The following KLHL6 variants were observed in gnomAD, a reference collection of about 807,000 sequenced individuals.
KLHL6 encodes the protein kelch like family member 6, also known as kelch-like protein 6.
KLHL6 carries 41 observed loss-of-function variants against 58.6 expected under a neutral mutation model. The ratio of observed to expected loss-of-function variants is 0.70; its 90% confidence interval spans 0.55 to 0.91. The LOEUF (loss-of-function observed/expected upper bound fraction) is 0.91. KLHL6 is among the 40% of genes least tolerant of loss of function. The pLI is 0.00. For missense variants in KLHL6, 714 were observed against 805.6 expected (o/e 0.89, Z 1.38); for synonymous variants, 338 against 322.7 (o/e 1.05, Z -0.51).
chr3:183,494,270 T>A lies in KLHL6; in HGVS notation c.1159A>T (p.Thr387Ser), dbSNP rs372112529. Residue 387 changes from threonine (T) to serine (S), a missense_variant, in exon 5 of 7, where the codon ACA becomes TCA. Thr to Ser is a moderately conservative substitution (Grantham distance 58). This residue lies in a region of KLHL6 where 510 missense variants were observed against 629.7 expected (regional missense o/e 0.81). Transcript: ENST00000341319. Reference protein sequence around the residue: ...NEVYISGGKETQHDVWKYNSS... With the variant: ...NEVYISGGKESQHDVWKYNSS... The stretch of plus-strand genomic sequence containing the variant: ...TTATATTTCCAAACATCATGCTGTG[T>A]TTCTTTGCCACCTGCAAGAGATACA... The A allele has an allele frequency of 6.2e-6, 10 of 1,613,372 alleles. No homozygotes were observed. The highest frequency in any genetic ancestry group is 8.5e-6 in the Non-Finnish European group (10 of 1,179,410).
chr3:183,499,236 C>T lies in KLHL6; in HGVS notation c.1147+354G>A, dbSNP rs1717798429. Among the ~76,000 whole-genome samples, 1 of 152,042 alleles carries T rather than the reference C, an allele frequency of 6.6e-6. No homozygotes were observed. Among genetic ancestry groups the T allele is most frequent in the East Asian group, 1.9e-4 (1 of 5,192 alleles). On this transcript the variant is annotated intron_variant, in intron 4 of 6. Transcript: ENST00000341319. This position sits in a 1 kb window ranked among gnomAD's most constrained non-coding sequence, Gnocchi z 4.6. Reference sequence around the variant, plus strand: ...AGGCACCTGATTGTAATCCCAGCTACTCGGGAGGGTGAGGCAGGAGGGTCA... The same window carrying T: ...AGGCACCTGATTGTAATCCCAGCTATTCGGGAGGGTGAGGCAGGAGGGTCA...
At position 183,508,192 on chromosome 3, in the gene KLHL6, T is replaced by A. The variant is rs1560096023; in HGVS notation, c.776A>T (p.Glu259Val). The A allele has an allele frequency of 1.2e-6, 2 of 1,614,186 alleles. No individual in the cohort carries two copies. Among genetic ancestry groups the A allele is most frequent in the Admixed American group, 3.3e-5 (2 of 60,020 alleles). Residue 259 changes from glutamate to valine, a missense_variant, in exon 3 of 7, where the codon GAG becomes GTG. This residue lies in a region of KLHL6 where 510 missense variants were observed against 629.7 expected (regional missense o/e 0.81). Coordinates refer to ENST00000341319, the MANE Select transcript of KLHL6 (RefSeq NM_130446.4). ...GTCCAGAAGCGGTAAGCGCACGTTC[T>A]CGAGGACATAGGGGAGTAAGCAGAG... is the stretch of plus-strand genomic sequence containing the variant. ...ERLCLLPYVL[E>V]NVRLPLLDPW... is the part of the protein sequence containing the mutation.
chr3:183,547,043 C>G (rs1712746059), intron 1 of KLHL6, among the ~76,000 whole-genome samples: 1 of 151,892 alleles, frequency 6.6e-6, no homozygotes, highest in Non-Finnish European at 1.5e-5. Flanking sequence ...TCCTGAGTAG[C>G]TGGGACTACA....
At chr3:183,493,869 C>T in intron 5 of KLHL6, 1 of 584,132 alleles carries the variant, frequency 1.7e-6, no homozygotes, top group Non-Finnish European at 3.1e-6. Flanking sequence ...CAGACCTTCA[C>T]CACTTGGAAG....
chr3:183,515,639 G>A (rs558406775), intron 2 of KLHL6, among the ~76,000 whole-genome samples: 5 of 152,234 alleles, frequency 3.3e-5, no homozygotes, highest in Admixed American at 1.3e-4. Flanking sequence ...CTTCCTTGAC[G>A]GCTTCTCCTA....
At chr3:183,497,237 C>A (rs556819415) in intron 4 of KLHL6, among the ~76,000 whole-genome samples, 3 of 152,180 alleles carry the variant, frequency 2.0e-5, no homozygotes, top group African/African-American at 4.8e-5. Flanking sequence ...CATGGTGAAA[C>A]CCCCTCTCTA....
At chr3:183,526,030 G>A (rs1383170160) in intron 2 of KLHL6, among the ~76,000 whole-genome samples, 3 of 152,186 alleles carry the variant, frequency 2.0e-5, no homozygotes, top group Non-Finnish European at 4.4e-5. Flanking sequence ...ATTTTTTGCC[G>A]GGTGCGGTGG....
Position 183,492,312 on chromosome 3 carries a change from T to G in KLHL6, c.1565-84A>C. On this transcript the variant is annotated intron_variant, in intron 6 of 6. Coordinates refer to ENST00000341319, the MANE Select transcript of KLHL6 (RefSeq NM_130446.4). The surrounding 1 kb of genome is among the most constrained non-coding windows in gnomAD (Gnocchi z 5.9). ...TAACCACTAAAATTCAACTTCTGAT[T>G]AGGCCAAGTCTACCCTCTTGCCAAG... 7.2e-7 allele frequency: 1 copy of G among 1,381,456 alleles called. No individual in the cohort carries two copies. The highest frequency in any genetic ancestry group is 1.4e-5 in the South Asian group (1 of 70,606). 85.6% of individuals were successfully genotyped at this position (1,381,456 alleles called of 1,614,324 possible). A position where few individuals can be genotyped will look rare whatever the true frequency, so the allele number is the denominator to read the frequency against.
intron 2 of KLHL6, among the ~76,000 whole-genome samples, chr3:183,508,724 G>C (rs546087128): frequency 6.6e-6 from 1 of 152,136 alleles, no homozygotes; most frequent in East Asian, 1.9e-4. Flanking sequence ...TCATACAGTC[G>C]ACAAAACAAT....
chr3:183,507,766 AC>A (rs1718050757), intron 3 of KLHL6, among the ~76,000 whole-genome samples: 1 of 151,788 alleles, frequency 6.6e-6, no homozygotes, highest in Non-Finnish European at 1.5e-5. Context: ...GTGCAGTGTG[AC>A]CCCCAACCTC....
intron 1 of KLHL6, among the ~76,000 whole-genome samples, chr3:183,544,342 G>A (rs886223452): frequency 6.6e-6 from 1 of 152,066 alleles, no homozygotes; most frequent in African/African-American, 2.4e-5. Context: ...TTATCTTTAC[G>A]TGGAGATGGC....
chr3:183,555,609 C>T lies in KLHL6; in HGVS notation c.45G>A (p.Val15=), dbSNP rs1171631748. 3.7e-6 allele frequency: 6 copies of T among 1,612,460 alleles called. No homozygotes were observed. The highest frequency in any genetic ancestry group is 5.1e-6 in the Non-Finnish European group (6 of 1,179,462). Residue 15 remains valine (V), a synonymous_variant, in exon 1 of 7, where the codon GTG becomes GTA. Transcript: ENST00000341319. ...GQRGAWTMGD[V]VEKSLEGPLA... is the part of the protein sequence containing the mutation. ...GGGGCCCTTCCAAACTCTTCTCGAC[C>T]ACATCACCCATGGTCCAGGCGCCCC... is the stretch of plus-strand genomic sequence containing the variant.
At chr3:183,517,223 T>C (rs1230981398) in intron 2 of KLHL6, among the ~76,000 whole-genome samples, 4 of 152,208 alleles carry the variant, frequency 2.6e-5, no homozygotes, top group Non-Finnish European at 5.9e-5. Flanking sequence ...CAATTGTAAA[T>C]TTTTTGTCAA....
rs769125560 is a variant in KLHL6 at position 183,494,174 on chromosome 3, A to G, written c.1255T>C (p.Leu419=). Reference sequence around the variant, plus strand: ...CCGATCACATAGACCTTGCCACCCAACACCACCATCTTATGCCTCCAGCGG... The same window carrying G: ...CCGATCACATAGACCTTGCCACCCAGCACCACCATCTTATGCCTCCAGCGG... ...IGRWRHKMVV[L]GGKVYVIGGF... Residue 419 remains leucine, a synonymous_variant, in exon 5 of 7, where the codon TTG becomes CTG. Transcript: ENST00000341319. 2 of 1,613,998 alleles carry G rather than the reference A, an allele frequency of 1.2e-6. No individual in the cohort carries two copies. Among genetic ancestry groups the G allele is most frequent in the Admixed American group, 1.7e-5 (1 of 59,982 alleles).
chr3:183,508,421 T>C lies in KLHL6; in HGVS notation c.547A>G (p.Thr183Ala). 6.2e-7 allele frequency: 1 copy of C among 1,614,234 alleles called. No individual in the cohort carries two copies. The highest frequency in any genetic ancestry group is 8.5e-7 in the Non-Finnish European group (1 of 1,180,046). The change falls in exon 3 of 7, where the codon ACA (threonine) becomes GCA (alanine). Residue 183 changes from threonine to alanine, a missense_variant. By Grantham distance (58) the Thr-to-Ala change is moderately conservative (BLOSUM62 0). Around this residue, in one of 2 missense-constraint regions of KLHL6, gnomAD observed 510 missense variants for 629.7 expected, o/e 0.81. Transcript: ENST00000341319. Reference protein sequence around the residue: ...NCVGILRLADTHSLDSLKKQV... With the variant: ...NCVGILRLADAHSLDSLKKQV... ...TTCTTTAGACTGTCCAGCGAGTGTG[T>C]GTCAGCCAGCCTCAGTATTCCAACG...
chr3:183,545,597 CA>C (rs1052344479), intron 1 of KLHL6, among the ~76,000 whole-genome samples: 2 of 152,330 alleles, frequency 1.3e-5, no homozygotes, highest in African/African-American at 4.8e-5. Context: ...TCAGTTTAGA[CA>C]TCATGGGTAG....
At position 183,526,544 on chromosome 3, in the gene KLHL6, G is replaced by C. The variant is rs11916737; in HGVS notation, c.459+1301C>G. ...GAATTGACACTTATAAGGAAACTGA[G>C]TACAATCGCTTCAGAAAGAAACTTG... On this transcript the variant is annotated intron_variant, in intron 2 of 6. Coordinates refer to ENST00000341319, the MANE Select transcript of KLHL6 (RefSeq NM_130446.4). Among the ~76,000 whole-genome samples, 845 of 152,254 alleles carry C rather than the reference G, an allele frequency of 5.5e-3. 6 individuals are homozygous for C. The highest frequency in any genetic ancestry group is 0.019 in the African/African-American group (791 of 41,526).
intron 3 of KLHL6, among the ~76,000 whole-genome samples, chr3:183,507,043 A>G (rs967238579): frequency 7.2e-5 from 11 of 152,112 alleles, no homozygotes; most frequent in Middle Eastern, 3.2e-3. Context: ...GGACTAGAGC[A>G]GAAGTGGGAG....
intron 3 of KLHL6, 47 bp downstream of exon 3, chr3:183,508,012 C>T (rs1490347216): frequency 1.3e-6 from 2 of 1,545,312 alleles, no homozygotes; most frequent in Non-Finnish European, 1.8e-6. Context: ...CCCTAGCTAA[C>T]TCCTTACTTC....
Sources: allele counts gnomAD v4.1 joint callset (sites outside exome capture counted in the v4.1 genomes callset), GRCh38; gene constraint gnomAD v4.1.1; regional missense constraint gnomAD v4.1.1; non-coding constraint Gnocchi (gnomAD v3.1); transcripts MANE v1.5; gene names NCBI Gene and HGNC (gene_info 2026-07-23, HGNC 2026-07-21).